The following GNG4 variants were observed in gnomAD, a reference collection of about 807,000 sequenced individuals.
GNG4 encodes the protein G protein subunit gamma 4, also known as guanine nucleotide-binding protein G(I)/G(S)/G(O) subunit gamma-4.
In GNG4, 4 loss-of-function variants were observed where a neutral mutation model predicts 5.8. That is an observed-to-expected ratio of 0.69 (90% confidence interval 0.34 to 1.57). GNG4 has a LOEUF of 1.57. GNG4 is among the 40% of genes most tolerant of loss of function. The pLI is 0.06. For missense variants in GNG4, 96 were observed against 95.1 expected (o/e 1.01, Z -0.04); for synonymous variants, 29 against 32.9 (o/e 0.88, Z 0.41).
chr1:235,623,663 A>C (rs1688752974), intron 1 of GNG4, among the ~76,000 whole-genome samples: 2 of 152,104 alleles, frequency 1.3e-5, no homozygotes, highest in South Asian at 4.1e-4. Flanking sequence ...CATACCTTGC[A>C]TCAGCTGTCC....
chr1:235,569,690 C>G (rs959437245), intron 3 of GNG4, among the ~76,000 whole-genome samples: 1 of 151,870 alleles, frequency 6.6e-6, no homozygotes, highest in Non-Finnish European at 1.5e-5. Flanking sequence ...ACCTCAGCCT[C>G]CCGAGTAGCT....
chr1:235,612,549 G>C (rs894332706), intron 1 of GNG4, among the ~76,000 whole-genome samples: 1 of 152,006 alleles, frequency 6.6e-6, no homozygotes, highest in African/African-American at 2.4e-5. Context: ...TTTGGAGACG[G>C]GGTCTCACTG....
rs1418914493 is a variant in GNG4 at position 235,552,159 on chromosome 1, C to A, written c.178G>T (p.Ala60Ser). 1.2e-6 allele frequency: 2 copies of A among 1,613,836 alleles called. No individual in the cohort carries two copies. Among genetic ancestry groups the A allele is most frequent in the Admixed American group, 3.3e-5 (2 of 60,026 alleles). ...TTCTCGCGAAAGGGGTTTTCTGATG[C>A]AGGCACTGGAATGATGAGAGGATCT... ...REDPLIIPVPASENPFREKKF... is the reference protein window; with the variant it reads ...REDPLIIPVPSSENPFREKKF... Residue 60 changes from alanine to serine, a missense_variant, in exon 4 of 4, where the codon GCA becomes TCA. By Grantham distance (99) the Ala-to-Ser change is moderately conservative. Coordinates refer to ENST00000391854, the MANE Select transcript of GNG4 (RefSeq NM_001098722.2).
chr1:235,599,642 CAGGTTTACGTT>C (rs1330309707), intron 1 of GNG4, among the ~76,000 whole-genome samples: 2 of 152,078 alleles, frequency 1.3e-5, no homozygotes, highest in East Asian at 3.9e-4. Context: ...CCAGGTGATT[CAGGTTTACGTT>C]AGAGTTTGAA....
At chr1:235,587,700 CTG>C (rs542209048) in intron 2 of GNG4, among the ~76,000 whole-genome samples, 53 of 23,370 alleles carry the variant, frequency 2.3e-3, no homozygotes, top group African/African-American at 8.9e-3. Context: ...TGTTGGGTGT[CTG>C]TGTGTGAGGG....
chr1:235,582,932 G>A (rs1687672914), intron 3 of GNG4, among the ~76,000 whole-genome samples: 1 of 152,162 alleles, frequency 6.6e-6, no homozygotes, highest in Admixed American at 6.5e-5. Context: ...CTAGCATGAG[G>A]GGAGGGGTCA....
At chr1:235,629,118 A>G (rs1474229116) in intron 1 of GNG4, among the ~76,000 whole-genome samples, 1 of 151,562 alleles carries the variant, frequency 6.6e-6, no homozygotes, top group East Asian at 1.9e-4. Flanking sequence ...CTTGGGCTCA[A>G]GAGATCCTCC....
intron 2 of GNG4, among the ~76,000 whole-genome samples, chr1:235,586,408 G>A (rs1687761399): frequency 6.6e-6 from 1 of 152,206 alleles, no homozygotes; most frequent in Admixed American, 6.5e-5. Context: ...ATGTGTGTCT[G>A]CGTTGCTGTG....
At chr1:235,554,263 G>A (rs1433963426) in intron 3 of GNG4, among the ~76,000 whole-genome samples, 1 of 152,194 alleles carries the variant, frequency 6.6e-6, no homozygotes, top group Non-Finnish European at 1.5e-5. Context: ...CCAACTGCTG[G>A]AGTGATGACC....
chr1:235,623,998 G>C lies in GNG4; in HGVS notation c.-123+25664C>G, dbSNP rs554015082. On this transcript the variant is annotated intron_variant, in intron 1 of 3. Coordinates refer to ENST00000391854, the MANE Select transcript of GNG4 (RefSeq NM_001098722.2). ...GTGAGCCGAAGACGGAGGGTCCTCCGAGCCTTTGCCTGGCCAGAGTACAGG... is the reference window on the plus strand; with the variant it reads ...GTGAGCCGAAGACGGAGGGTCCTCCCAGCCTTTGCCTGGCCAGAGTACAGG... Among the ~76,000 whole-genome samples, 20 of 152,274 alleles carry C rather than the reference G, an allele frequency of 1.3e-4. 1 individual carries two copies. The highest frequency in any genetic ancestry group is 4.8e-4 in the African/African-American group (20 of 41,554).
chr1:235,578,778 G>T (rs918296740), intron 3 of GNG4, among the ~76,000 whole-genome samples: 2 of 152,068 alleles, frequency 1.3e-5, no homozygotes, highest in Non-Finnish European at 2.9e-5. Flanking sequence ...GGGGTGGTGA[G>T]ATTAGAGAGA....
intron 1 of GNG4, among the ~76,000 whole-genome samples, chr1:235,641,652 C>T (rs1184278970): frequency 6.6e-6 from 1 of 152,176 alleles, no homozygotes; most frequent in Non-Finnish European, 1.5e-5. Context: ...GATCGCGCCA[C>T]TGCACTCCAA....
intron 1 of GNG4, among the ~76,000 whole-genome samples, chr1:235,598,985 C>T (rs988863558): frequency 6.6e-6 from 1 of 152,170 alleles, no homozygotes; most frequent in African/African-American, 2.4e-5. Flanking sequence ...CCTTGGCCTC[C>T]CAAAGTGCTG....
chr1:235,613,020 C>A (rs1226814331), intron 1 of GNG4, among the ~76,000 whole-genome samples: 2 of 151,936 alleles, frequency 1.3e-5, no homozygotes, highest in Non-Finnish European at 2.9e-5. Context: ...AAGTCCAATT[C>A]ATGAGGGCTC....
intron 1 of GNG4, among the ~76,000 whole-genome samples, chr1:235,631,170 A>T (rs1688924901): frequency 6.6e-6 from 1 of 152,114 alleles, no homozygotes; most frequent in Non-Finnish European, 1.5e-5. Context: ...AAGTGCTGGG[A>T]TTACAGGTGT....
At chr1:235,641,650 C>T (rs982439594) in intron 1 of GNG4, among the ~76,000 whole-genome samples, 8 of 152,172 alleles carry the variant, frequency 5.3e-5, no homozygotes, top group Non-Finnish European at 1.2e-4. Context: ...GAGATCGCGC[C>T]ACTGCACTCC....
chr1:235,586,020 G>A (rs1687749796), intron 2 of GNG4, among the ~76,000 whole-genome samples: 1 of 152,104 alleles, frequency 6.6e-6, no homozygotes, highest in African/African-American at 2.4e-5. Flanking sequence ...TCTCTCTGTG[G>A]GTTTTAATCA....
intron 2 of GNG4, among the ~76,000 whole-genome samples, chr1:235,585,764 T>A (rs1202881519): frequency 6.6e-6 from 1 of 152,214 alleles, no homozygotes; most frequent in East Asian, 1.9e-4. Flanking sequence ...AATTACTGGG[T>A]CAAAGGTAAA....
chr1:235,622,973 G>C (rs1688741077), intron 1 of GNG4, among the ~76,000 whole-genome samples: 1 of 151,494 alleles, frequency 6.6e-6, no homozygotes, highest in Admixed American at 6.6e-5. Context: ...CCGGGAAGCA[G>C]AGGTTGCAGT....
Sources: allele counts gnomAD v4.1 joint callset (sites outside exome capture counted in the v4.1 genomes callset), GRCh38; gene constraint gnomAD v4.1.1; transcripts MANE v1.5; gene names NCBI Gene and HGNC (gene_info 2026-07-23, HGNC 2026-07-21).